C17orf114: variants seen among roughly 807,000 people sequenced by gnomAD.
The protein encoded by C17orf114 is chromosome 17 open reading frame 114.
chr17:4,801,223 C>T (rs1905500397), exon 2 of C17orf114: 2 of 398,372 alleles, frequency 5.0e-6, no homozygotes, highest in African/African-American at 2.1e-5. Flanking sequence ...ACATTAGGAT[C>T]GCTGAGAAAT....
upstream of C17orf114, among the ~76,000 whole-genome samples, chr17:4,804,864 G>A (rs190416543): frequency 6.9e-3 from 1,049 of 152,206 alleles, 34 homozygotes; most frequent in Admixed American, 0.063. Flanking sequence ...GATTACAGGT[G>A]TGAGCCACCG....
upstream of C17orf114, among the ~76,000 whole-genome samples, chr17:4,804,556 G>A (rs1170401314): frequency 6.6e-6 from 1 of 150,636 alleles, no homozygotes; most frequent in African/African-American, 2.4e-5. Context: ...GGAGTGTTAG[G>A]TTGCTGATTA....
At chr17:4,804,434 G>A (rs1051538898), upstream of C17orf114, among the ~76,000 whole-genome samples, 6 of 151,780 alleles carry the variant, frequency 4.0e-5, no homozygotes, top group African/African-American at 1.5e-4. Flanking sequence ...TCGATATCGT[G>A]ACCTCGTGAT....
chr17:4,802,199 C>G, intron 1 of C17orf114, 48 bp downstream of exon 1: 1 of 399,212 alleles, frequency 2.5e-6, no homozygotes, highest in East Asian at 3.6e-5. Flanking sequence ...ATGCAGTTGT[C>G]TCTCTGTCTG....
At chr17:4,802,028 C>T (rs1034955540) in intron 1 of C17orf114, among the ~76,000 whole-genome samples, 5 of 152,264 alleles carry the variant, frequency 3.3e-5, no homozygotes, top group Middle Eastern at 3.4e-3. Flanking sequence ...CGTACCCGGC[C>T]GAAATTCTTA....
At chr17:4,804,072 A>G (rs903604653), upstream of C17orf114, among the ~76,000 whole-genome samples, 10 of 152,194 alleles carry the variant, frequency 6.6e-5, no homozygotes, top group Admixed American at 4.6e-4. Context: ...CATGTCCCCA[A>G]GCAAGCATCG....
At chr17:4,801,312 A>G (rs1905502826) in exon 2 of C17orf114, 1 of 398,722 alleles carries the variant, frequency 2.5e-6, no homozygotes, top group Middle Eastern at 6.3e-4. Flanking sequence ...TCATTGGCCG[A>G]TGCTATGTCA....
At chr17:4,803,771 G>T (rs908762358), upstream of C17orf114, among the ~76,000 whole-genome samples, 1 of 151,280 alleles carries the variant, frequency 6.6e-6, no homozygotes, top group Non-Finnish European at 1.5e-5. Context: ...GTCCAGGCTG[G>T]ATTACAGTGG....
upstream of C17orf114, among the ~76,000 whole-genome samples, chr17:4,805,679 C>T (rs1017040921): frequency 6.8e-6 from 1 of 147,854 alleles, no homozygotes; most frequent in Admixed American, 6.8e-5. Flanking sequence ...TGGCCGGGCG[C>T]GGTGGCTCAC....
At chr17:4,802,926 T>C (rs1001611677), upstream of C17orf114, among the ~76,000 whole-genome samples, 1 of 151,854 alleles carries the variant, frequency 6.6e-6, no homozygotes, top group South Asian at 2.1e-4. Flanking sequence ...GTCAAAGATC[T>C]TTTTTTTGGG....
intron 1 of C17orf114, 119 bp downstream of exon 1, chr17:4,802,128 C>T (rs978245510): frequency 1.8e-5 from 7 of 396,626 alleles, no homozygotes; most frequent in African/African-American, 1.4e-4. Context: ...TGATCCATCT[C>T]CCACCCAGGG....
At chr17:4,806,256 G>GA (rs1206854621), upstream of C17orf114, among the ~76,000 whole-genome samples, 3 of 152,100 alleles carry the variant, frequency 2.0e-5, no homozygotes, top group African/African-American at 7.2e-5. Context: ...AAACCATTTA[G>GA]AAAAAAATCG....
chr17:4,805,204 G>T (rs1395907944), upstream of C17orf114, among the ~76,000 whole-genome samples: 1 of 151,950 alleles, frequency 6.6e-6, no homozygotes, highest in Non-Finnish European at 1.5e-5. Context: ...AAGGAGGGCG[G>T]ATCATTTGAG....
upstream of C17orf114, among the ~76,000 whole-genome samples, chr17:4,803,565 T>C (rs530500544): frequency 4.2e-3 from 632 of 149,922 alleles, 1 homozygote; most frequent in Middle Eastern, 0.014. Flanking sequence ...GCTGGGACTA[T>C]AGGCGCCCAC....
chr17:4,801,639 C>T lies in C17orf114; in HGVS notation c.74-184G>A, dbSNP rs549317913. The stretch of plus-strand genomic sequence containing the variant: ...TTGCAGAGCAAGCAGGACTGGCTCG[C>T]ACACATGTGACCTGTGCAGTTGCAT... On this transcript the variant is annotated intron_variant, in intron 1 of 1. Coordinates refer to ENST00000635921, the Ensembl canonical transcript of C17orf114. 2.7e-4 allele frequency among the ~76,000 whole-genome samples: 41 copies of T among 152,182 alleles called. No homozygotes were observed. In the South Asian group the frequency reaches 7.5e-3, roughly 28 times the overall value.
chr17:4,802,277 G>A (rs770965837), exon 1 of C17orf114: 11 of 399,590 alleles, frequency 2.8e-5, no homozygotes, highest in Non-Finnish European at 3.1e-5. Flanking sequence ...CGCTGCCTCC[G>A]GCACCCGCAC....
chr17:4,801,898 T>C (rs1905519087), intron 1 of C17orf114, among the ~76,000 whole-genome samples: 1 of 151,952 alleles, frequency 6.6e-6, no homozygotes, highest in Non-Finnish European at 1.5e-5. Flanking sequence ...ACCCGGCTAA[T>C]TTTTTGTATT....
chr17:4,804,806 G>A (rs886137039), upstream of C17orf114, among the ~76,000 whole-genome samples: 1 of 150,882 alleles, frequency 6.6e-6, no homozygotes, highest in Non-Finnish European at 1.5e-5. Flanking sequence ...AGATGGTCTC[G>A]ATCTCCTGAC....
chr17:4,803,706 A>C (rs538596328), upstream of C17orf114, among the ~76,000 whole-genome samples: 608 of 151,750 alleles, frequency 4.0e-3, 3 homozygotes, highest in Non-Finnish European at 6.5e-3. Context: ...GATTACAGGC[A>C]TGAGACACAG....
Sources: gnomAD v4.1 joint callset for allele counts (sites outside exome capture counted in the v4.1 genomes callset) on GRCh38, gnomAD v4.1.1 for gene constraint, MANE v1.5 for transcripts, NCBI Gene and HGNC (gene_info 2026-07-23, HGNC 2026-07-21) for gene names.